The following MYH4 variants were observed in gnomAD, a reference collection of about 807,000 sequenced individuals.
MYH4 encodes the protein myosin-4.
In MYH4, 200 loss-of-function variants were observed where a neutral mutation model predicts 229.9. That is an observed-to-expected ratio of 0.87 (90% CI 0.78 to 0.98). MYH4 has a LOEUF of 0.98. Among genes scored for constraint, MYH4 ranks in the 50% least tolerant of loss-of-function variants. The probability of loss-of-function intolerance (pLI) is 0.00; values close to 1 mark genes in which losing one functional copy is unlikely to be tolerated. For synonymous variants in MYH4, 761 were observed against 834.6 expected (o/e 0.91, Z 1.52); for missense variants, 2,148 against 2,332.6 (o/e 0.92, Z 1.63).
Position 10,459,294 on chromosome 17 carries a change from T to C in MYH4, c.1544A>G (p.Asp515Gly). The stretch of plus-strand genomic sequence containing the variant: ...GCAGGCAGCCAGGTCCATCCCGAAG[T>C]CAATGAACTCCCACTCGATGCCTTC... ...KKEGIEWEFI[D>G]FGMDLAACIE... The change falls in exon 15 of 40, where the codon GAC (aspartate) becomes GGC (glycine). Residue 515 changes from aspartate (D) to glycine (G), a missense_variant. Transcript: ENST00000255381. 1.9e-6 allele frequency: 3 copies of C among 1,614,082 alleles called. No individual in the cohort carries two copies. The highest frequency in any genetic ancestry group is 2.5e-6 in the Non-Finnish European group (3 of 1,179,994).
chr17:10,455,245 C>T lies in MYH4; in HGVS notation c.2225G>A (p.Ser742Asn). The T allele has an allele frequency of 1.2e-6, 2 of 1,613,856 alleles. No individual in the cohort carries two copies. The highest frequency in any genetic ancestry group is 1.1e-5 in the South Asian group (1 of 91,086). ...SAIPEGQFID[S>N]KKASEKLLGS... ...TAGAAGTTTCTCAGAAGCCTTCTTG[C>T]TGTCAATGAACTGACCCTCTGGGAT... Residue 742 changes from serine (S) to asparagine (N), a missense_variant, in exon 20 of 40, where the codon AGC becomes AAC. Physicochemically the swap from Ser to Asn is conservative, Grantham distance 46 (BLOSUM62 1). Transcript: ENST00000255381.
At chr17:10,457,143 G>A (rs912735020) in intron 16 of MYH4, among the ~76,000 whole-genome samples, 1 of 152,194 alleles carries the variant, frequency 6.6e-6, no homozygotes, top group East Asian at 1.9e-4. Context: ...TGATAGAAAT[G>A]AGTTTTATGA....
rs547586535 is a variant in MYH4, at chr17:10,444,467, C to A, written c.5667+137G>T. ...CTCCAGTAATTTATGGTTCATTTTT[C>A]TCATTCTAAATATTCATGTTCATAC... is the stretch of plus-strand genomic sequence containing the variant. On this transcript the variant is annotated intron_variant, in intron 39 of 39. Coordinates refer to ENST00000255381, the MANE Select transcript of MYH4 (RefSeq NM_017533.2). The A allele has an allele frequency of 1.1e-5, 7 of 641,320 alleles. No individual in the cohort carries two copies. In the Admixed American group the frequency reaches 1.2e-4, roughly 11 times the overall value. The allele number at this position is 641,320 out of a possible 1,614,324, so 39.7% of individuals were successfully genotyped here. A position where few individuals can be genotyped will look rare whatever the true frequency, so the allele number is the denominator to read the frequency against.
intron 11 of MYH4, among the ~76,000 whole-genome samples, chr17:10,462,484 G>A (rs187571030): frequency 6.6e-6 from 1 of 152,246 alleles, no homozygotes; most frequent in Non-Finnish European, 1.5e-5. Context: ...AGAACAGTGG[G>A]AGTTCCATGT....
rs373119093 is a variant in MYH4, at chr17:10,465,468, T to A, written c.479A>T (p.Asp160Val). 16 of 1,613,924 alleles carry A rather than the reference T, an allele frequency of 9.9e-6. No homozygotes were observed. The highest frequency in any genetic ancestry group is 2.7e-5 in the African/African-American group (2 of 74,928). Residue 160 changes from aspartate (D) to valine (V), a missense_variant, in exon 5 of 40, where the codon GAC (aspartate) becomes GTC (valine). Physicochemically the swap from Asp to Val is radical, Grantham distance 152. Coordinates refer to ENST00000255381, the MANE Select transcript of MYH4 (RefSeq NM_017533.2). ...EAPPHIFSIS[D>V]NAYQFMLTDR... ...AGTTAGCATGAACTGATAGGCATTG[T>A]CAGAGATGGAGAAGATATGGGGTGG... is the stretch of plus-strand genomic sequence containing the variant.
At chr17:10,460,558 C>T (rs979430737) in intron 12 of MYH4, among the ~76,000 whole-genome samples, 1 of 152,156 alleles carries the variant, frequency 6.6e-6, no homozygotes, top group Non-Finnish European at 1.5e-5. Flanking sequence ...GATATTTAAC[C>T]TGGCAAAAGT....
Position 10,466,615 on chromosome 17 carries a change from T to C in MYH4, c.131A>G (p.Lys44Arg). 6.2e-7 allele frequency: 1 copy of C among 1,614,086 alleles called. No homozygotes were observed. The highest frequency in any genetic ancestry group is 8.5e-7 in the Non-Finnish European group (1 of 1,180,034). The change falls in exon 3 of 40, where the codon AAG becomes AGG. Residue 44 changes from lysine to arginine, a missense_variant. Lys to Arg is a conservative substitution (Grantham distance 26). Coordinates refer to ENST00000255381, the MANE Select transcript of MYH4 (RefSeq NM_017533.2). The stretch of plus-strand genomic sequence containing the variant: ...CACTATTGCTTTCACGTAGGACTCC[T>C]TAGGGTCCACCACAAAGACTGATGT... ...AKTSVFVVDP[K>R]ESYVKAIVQS... is the part of the protein sequence containing the mutation.
chr17:10,446,823 A>G (rs1293724021), intron 35 of MYH4, among the ~76,000 whole-genome samples, 190 bp downstream of exon 35: 1 of 152,224 alleles, frequency 6.6e-6, no homozygotes, highest in Admixed American at 6.5e-5. Flanking sequence ...TCAACTCAAC[A>G]TGATTATGCC....
chr17:10,466,957 C>T (rs980814882), intron 2 of MYH4, among the ~76,000 whole-genome samples, 173 bp from the exon 3 acceptor site: 23 of 152,154 alleles, frequency 1.5e-4, no homozygotes, highest in Non-Finnish European at 2.6e-4. Context: ...GATTTGAAAG[C>T]ACTATGTTGA....
rs148182083 is a variant in MYH4 at position 10,460,946 on chromosome 17, C to G, written c.1117G>C (p.Glu373Gln). 1.2e-5 allele frequency: 19 copies of G among 1,613,978 alleles called. No individual in the cohort carries two copies. Among genetic ancestry groups the G allele is most frequent in the Non-Finnish European group, 1.6e-5 (19 of 1,180,010 alleles). ...GNMKFKQKQR[E>Q]EQAEPDGTEV... Reference sequence around the variant, plus strand: ...GTGCCATCTGGCTCTGCCTGCTCTTCCCTTTGCTTTTGCTTGAATTTCATG... The same window carrying G: ...GTGCCATCTGGCTCTGCCTGCTCTTGCCTTTGCTTTTGCTTGAATTTCATG... The change falls in exon 12 of 40, where the codon GAA (glutamate) becomes CAA (glutamine). Residue 373 changes from glutamate to glutamine, a missense_variant. Transcript: ENST00000255381.
chr17:10,454,311 CATAA>C (rs1353400997), intron 22 of MYH4, among the ~76,000 whole-genome samples: 5 of 152,178 alleles, frequency 3.3e-5, no homozygotes, highest in African/African-American at 1.2e-4. Flanking sequence ...GAGAAAGTTC[CATAA>C]ATAAAGGAAA....
Position 10,463,324 on chromosome 17 carries a change from A to G in MYH4, c.805+14T>C, listed in dbSNP as rs2072722284. The stretch of plus-strand genomic sequence containing the variant: ...AAGAAAAAGATTCTCAATCACTAAT[A>G]TTTATTAACTTACATGTTTCAATAT... On this transcript the variant is annotated intron_variant, in intron 9 of 39. Transcript: ENST00000255381. 6.3e-7 allele frequency: 1 copy of G among 1,597,868 alleles called. No individual in the cohort carries two copies. Among genetic ancestry groups the G allele is most frequent in the Non-Finnish European group, 8.5e-7 (1 of 1,170,000 alleles).
At chr17:10,462,324 A>G (rs2072711750) in intron 11 of MYH4, among the ~76,000 whole-genome samples, 1 of 152,216 alleles carries the variant, frequency 6.6e-6, no homozygotes, top group Non-Finnish European at 1.5e-5. Flanking sequence ...TTTCAAAAAT[A>G]AATATAAAGG....
In MYH4 at chr17:10,448,418, T is replaced by C. The variant is rs777107832; in HGVS notation, c.4634A>G (p.Gln1545Arg). 4.3e-6 allele frequency: 7 copies of C among 1,613,688 alleles called. No homozygotes were observed. The African/African-American group carries it at 8.0e-5, about 18-fold the overall frequency. ...KQLDHEKSEL[Q>R]TSLEEAEASL... ...TACCTCTGCTTCCTCTAGGGAAGTCTGTAGTTCACTCTTCTCATGATCAAG... is the reference window on the plus strand; with the variant it reads ...TACCTCTGCTTCCTCTAGGGAAGTCCGTAGTTCACTCTTCTCATGATCAAG... Residue 1545 changes from glutamine (Q) to arginine (R), a missense_variant, in exon 33 of 40, where the codon CAG becomes CGG. Coordinates refer to ENST00000255381, the MANE Select transcript of MYH4 (RefSeq NM_017533.2).
chr17:10,466,250 A>C, intron 4 of MYH4, 23 bp downstream of exon 4: 2 of 1,611,402 alleles, frequency 1.2e-6, no homozygotes, highest in Non-Finnish European at 1.7e-6. Context: ...GTGAGTGAGA[A>C]ATAGCGTTGA....
At position 10,444,997 on chromosome 17, in the gene MYH4, C is replaced by T. The variant is rs148072812; in HGVS notation, c.5445G>A (p.Gln1815=). 4 of 1,614,132 alleles carry T rather than the reference C, an allele frequency of 2.5e-6. No individual in the cohort carries two copies. Among genetic ancestry groups the T allele is most frequent in the Non-Finnish European group, 3.4e-6 (4 of 1,180,010 alleles). The change falls in exon 37 of 40, where the codon CAG becomes CAA. Residue 1815 remains glutamine (Q), a synonymous_variant. Transcript: ENST00000255381. Reference sequence around the variant, plus strand: ...CTACCCTGGCCTCCAGTTTCTGGATCTGCTTCTTCCCACCCTTCAGCGCCA... The same window carrying T: ...CTACCCTGGCCTCCAGTTTCTGGATTTGCTTCTTCCCACCCTTCAGCGCCA... The part of the protein sequence containing the change: ...EQLALKGGKK[Q]IQKLEARVRE...
intron 7 of MYH4, among the ~76,000 whole-genome samples, 191 bp downstream of exon 7, chr17:10,464,280 TC>T (rs1283566674): frequency 1.3e-5 from 2 of 152,160 alleles, no homozygotes; most frequent in Non-Finnish European, 2.9e-5. Context: ...GGTTTTCTGT[TC>T]CTGCATTAAT....
At chr17:10,447,774 A>G (rs755392838) in intron 34 of MYH4, 44 bp downstream of exon 34, 2 of 1,512,356 alleles carry the variant, frequency 1.3e-6, no homozygotes, top group East Asian at 2.3e-5. Context: ...GTTACACAGT[A>G]GCACTGAGAC....
Position 10,459,231 on chromosome 17 carries a change from G to A in MYH4, c.1587+20C>T, listed in dbSNP as rs765362284. 6.2e-7 allele frequency: 1 copy of A among 1,613,990 alleles called. No homozygotes were observed. The highest frequency in any genetic ancestry group is 8.5e-7 in the Non-Finnish European group (1 of 1,179,900). ...GCAATTTGGTTTTCATGTTTTGAAAGCTAGAAAAGTCATATGAACCTTCTC... is the reference window on the plus strand; with the variant it reads ...GCAATTTGGTTTTCATGTTTTGAAAACTAGAAAAGTCATATGAACCTTCTC... On this transcript the variant is annotated intron_variant, in intron 15 of 39. Transcript: ENST00000255381.
Sources: allele counts gnomAD v4.1 joint callset (sites outside exome capture counted in the v4.1 genomes callset), GRCh38; gene constraint gnomAD v4.1.1; transcripts MANE v1.5; gene names NCBI Gene and HGNC (gene_info 2026-07-23, HGNC 2026-07-21).